DNM3: variants seen among roughly 807,000 people sequenced by gnomAD.
DNM3 encodes dynamin 3, also known as dynamin-3.
In DNM3, 47 loss-of-function variants were observed where a neutral mutation model predicts 101.6. The observed-to-expected ratio is 0.46, with a 90% CI of 0.37 to 0.59. The LOEUF is 0.59. Ranked by LOEUF, DNM3 falls within the 20% of genes least tolerant of loss-of-function variation. The probability of loss-of-function intolerance (pLI) is 0.00; values close to 1 mark genes in which losing one functional copy is unlikely to be tolerated. For missense variants in DNM3, 849 were observed against 1,085.7 expected, an observed-to-expected ratio of 0.78 and a Z score of 3.06; for synonymous variants, 385 against 387.9, an observed-to-expected ratio of 0.99 and a Z score of 0.09.
intron 17 of DNM3, among the ~76,000 whole-genome samples, chr1:172,324,123 A>G (rs1448500185): frequency 6.6e-6 from 1 of 152,232 alleles, no homozygotes; most frequent in Non-Finnish European, 1.5e-5. Flanking sequence ...GAAATGTAAT[A>G]GTAATGTAGT....
At chr1:172,250,703 G>A (rs1449185835) in intron 14 of DNM3, among the ~76,000 whole-genome samples, 2 of 152,058 alleles carry the variant, frequency 1.3e-5, no homozygotes, top group Non-Finnish European at 2.9e-5. Context: ...AAGAAAAGAC[G>A]ATGGGTCAGA....
At chr1:172,117,059 G>A (rs1408040426) in intron 13 of DNM3, among the ~76,000 whole-genome samples, 1 of 152,032 alleles carries the variant, frequency 6.6e-6, no homozygotes, top group Non-Finnish European at 1.5e-5. Flanking sequence ...TACAAAATTA[G>A]CCAGGCATGG....
intron 14 of DNM3, among the ~76,000 whole-genome samples, chr1:172,146,339 T>A (rs1023195662): frequency 6.6e-6 from 1 of 152,166 alleles, no homozygotes; most frequent in African/African-American, 2.4e-5. Flanking sequence ...TGACAAGCCC[T>A]TGTTATCTTG....
chr1:172,144,909 C>G (rs1284477055), intron 14 of DNM3: 1 of 185,894 alleles, frequency 5.4e-6, no homozygotes, highest in African/African-American at 2.4e-5. Context: ...CGCTGTGCCG[C>G]TGGAGAGACC....
chr1:172,349,531 T>C (rs1204573050), intron 17 of DNM3, among the ~76,000 whole-genome samples: 1 of 152,308 alleles, frequency 6.6e-6, no homozygotes, highest in East Asian at 1.9e-4. Context: ...TGATCTGACA[T>C]AGTCTTGGAC....
At chr1:171,946,092 A>G (rs537723189) in intron 2 of DNM3, among the ~76,000 whole-genome samples, 1 of 152,246 alleles carries the variant, frequency 6.6e-6, no homozygotes, top group East Asian at 1.9e-4. Flanking sequence ...CAAGAGTTTT[A>G]AGACAAGGAC....
At chr1:172,200,875 T>G (rs937668659) in intron 14 of DNM3, among the ~76,000 whole-genome samples, 1 of 152,188 alleles carries the variant, frequency 6.6e-6, no homozygotes, top group African/African-American at 2.4e-5. Flanking sequence ...CCTGTCCATA[T>G]TCTGAATTTT....
rs578124388 is a variant in DNM3, at chr1:172,106,666, T to C, written c.1545+13791T>C. On this transcript the variant is annotated intron_variant, in intron 13 of 20. Coordinates refer to ENST00000627582, the MANE Select transcript of DNM3 (RefSeq NM_015569.5). ...TGTATCTGAGATTCTCCATCAAAAA[T>C]GGGCATTGAATTTCATTGAAGTGAT... Among the ~76,000 whole-genome samples the C allele has an allele frequency of 5.9e-5, 9 of 152,110 alleles. No individual in the cohort carries two copies. In the South Asian group the frequency reaches 1.9e-3, roughly 32 times the overall value.
intron 4 of DNM3, among the ~76,000 whole-genome samples, chr1:172,031,864 T>C (rs894581029): frequency 1.3e-5 from 2 of 152,300 alleles, no homozygotes; most frequent in African/African-American, 2.4e-5. Context: ...GAATAGTGAA[T>C]GCTGTGTGGC....
intron 4 of DNM3, among the ~76,000 whole-genome samples, chr1:172,027,679 T>C (rs993853901): frequency 2.0e-5 from 3 of 151,824 alleles, no homozygotes; most frequent in Non-Finnish European, 4.4e-5. Context: ...AGGAGATCCA[T>C]CGTATGTGCA....
intron 17 of DNM3, among the ~76,000 whole-genome samples, chr1:172,365,239 A>T (rs1432128684): frequency 6.6e-6 from 1 of 151,984 alleles, no homozygotes; most frequent in Non-Finnish European, 1.5e-5. Flanking sequence ...TTAGGATTAT[A>T]CACTGAAATA....
At chr1:172,336,700 TAAA>T (rs71717500) in intron 17 of DNM3, among the ~76,000 whole-genome samples, 3 of 138,570 alleles carry the variant, frequency 2.2e-5, no homozygotes, top group African/African-American at 2.7e-5. Context: ...TCTTTACCTT[TAAA>T]AAAAAAAAAA....
intron 1 of DNM3, among the ~76,000 whole-genome samples, chr1:171,905,387 A>G (rs2038735680): frequency 6.6e-6 from 1 of 152,230 alleles, no homozygotes; most frequent in Non-Finnish European, 1.5e-5. Flanking sequence ...TTTGTGATAT[A>G]GAGATATTGC....
intron 1 of DNM3, among the ~76,000 whole-genome samples, chr1:171,905,169 A>T (rs941121906): frequency 6.6e-6 from 1 of 152,188 alleles, no homozygotes; most frequent in Non-Finnish European, 1.5e-5. Flanking sequence ...GCGTACATTC[A>T]TTCATATACA....
intron 17 of DNM3, among the ~76,000 whole-genome samples, chr1:172,328,092 C>G (rs1329153733): frequency 6.6e-6 from 1 of 152,126 alleles, no homozygotes; most frequent in African/African-American, 2.4e-5. Context: ...AAGAATTGAT[C>G]TGCTGCTGCT....
intron 15 of DNM3, among the ~76,000 whole-genome samples, chr1:172,286,068 T>TTATATATATATATATA (rs143628364): frequency 1.3e-4 from 19 of 147,454 alleles, no homozygotes; most frequent in African/African-American, 3.7e-4. Context: ...AGTGAGTTAT[T>TTATATATATATATATA]TATATATATA....
intron 17 of DNM3, among the ~76,000 whole-genome samples, chr1:172,335,266 A>G (rs1239437894): frequency 6.6e-6 from 1 of 152,180 alleles, no homozygotes; most frequent in African/African-American, 2.4e-5. Context: ...ATTTAGAGGT[A>G]GAGTTTTTCG....
intron 1 of DNM3, among the ~76,000 whole-genome samples, chr1:171,894,738 C>T (rs956443422): frequency 2.0e-5 from 3 of 152,172 alleles, no homozygotes; most frequent in African/African-American, 2.4e-5. Context: ...CTCTCCCAGC[C>T]CCCGACTCCC....
At chr1:171,959,533 A>G (rs759900821) in intron 2 of DNM3, among the ~76,000 whole-genome samples, 7 of 152,186 alleles carry the variant, frequency 4.6e-5, no homozygotes, top group Non-Finnish European at 7.3e-5. Context: ...ACATATGCAG[A>G]TTTGTAAGTC....
Sources: gnomAD v4.1 joint callset for allele counts (sites outside exome capture counted in the v4.1 genomes callset) on GRCh38, gnomAD v4.1.1 for gene constraint, MANE v1.5 for transcripts, NCBI Gene and HGNC (gene_info 2026-07-23, HGNC 2026-07-21) for gene names.